KIAA1549: variants seen among roughly 807,000 people sequenced by gnomAD.
KIAA1549 encodes KIAA1549, also known as UPF0606 protein KIAA1549.
KIAA1549 carries 70 observed loss-of-function variants against 156.4 expected under a neutral mutation model. The observed-to-expected ratio is 0.45, with a 90% CI of 0.37 to 0.55. KIAA1549 has a LOEUF of 0.55. KIAA1549 is among the 20% of genes least tolerant of loss of function. The probability of loss-of-function intolerance (pLI) is 0.00; values close to 1 mark genes in which losing one functional copy is unlikely to be tolerated. For missense variants in KIAA1549, 2,428 were observed against 2,540.9 expected, an observed-to-expected ratio of 0.96 and a Z score of 0.96; for synonymous variants, 1,103 against 1,066.4, an observed-to-expected ratio of 1.03 and a Z score of -0.67.
At chr7:138,864,049 G>A (rs1030771833) in intron 15 of KIAA1549, among the ~76,000 whole-genome samples, 2 of 152,144 alleles carry the variant, frequency 1.3e-5, no homozygotes, top group African/African-American at 2.4e-5. Context: ...TAGAGCTCAC[G>A]GGTGGAAAGA....
intron 1 of KIAA1549, among the ~76,000 whole-genome samples, chr7:138,973,318 A>G (rs1458801406): frequency 3.9e-5 from 6 of 152,216 alleles, no homozygotes; most frequent in Non-Finnish European, 5.9e-5. Context: ...CTGTTTCAGT[A>G]GAGCTGGCTT....
chr7:138,860,508 AAAT>A (rs1256162577), intron 16 of KIAA1549, among the ~76,000 whole-genome samples: 1 of 152,212 alleles, frequency 6.6e-6, no homozygotes, highest in African/African-American at 2.4e-5. Flanking sequence ...AATTAGCAGA[AAAT>A]AATGGTAGCT....
chr7:138,933,499 A>T (rs1812928376), intron 1 of KIAA1549, among the ~76,000 whole-genome samples: 4 of 152,244 alleles, frequency 2.6e-5, no homozygotes, highest in Non-Finnish European at 5.9e-5. Context: ...CAGAAGTGGA[A>T]GAACTGGTGA....
chr7:138,969,589 T>TTTG (rs1814154391), intron 1 of KIAA1549, among the ~76,000 whole-genome samples: 1 of 152,086 alleles, frequency 6.6e-6, no homozygotes, highest in Non-Finnish European at 1.5e-5. Flanking sequence ...GAGTTTTGTT[T>TTTG]TTTGTTTGTT....
In KIAA1549 at chr7:138,839,829, C is replaced by G. The variant is rs1474731691; in HGVS notation, c.5598+304G>C. On this transcript the variant is annotated intron_variant, in intron 19 of 19. Transcript: ENST00000422774. ...TTTTGAGACAGTCTCACTCTGTCAC[C>G]CAGGCTGGAGTGCAGTGGCACGATC... 3.1e-5 allele frequency among the ~76,000 whole-genome samples: 4 copies of G among 129,468 alleles called. No homozygotes were observed. In the East Asian group the frequency reaches 1.1e-3, roughly 37 times the overall value. 84.9% of individuals were successfully genotyped at this position (129,468 alleles called of 152,430 possible). A position where few individuals can be genotyped will look rare whatever the true frequency, so the allele number is the denominator to read the frequency against.
chr7:138,967,730 G>C (rs1814074255), intron 1 of KIAA1549, among the ~76,000 whole-genome samples: 1 of 152,130 alleles, frequency 6.6e-6, no homozygotes, highest in Non-Finnish European at 1.5e-5. Flanking sequence ...AGGATGCTGA[G>C]GTGAGGTAAG....
intron 17 of KIAA1549, among the ~76,000 whole-genome samples, chr7:138,847,543 G>C (rs937638110): frequency 6.6e-6 from 1 of 152,226 alleles, no homozygotes; most frequent in African/African-American, 2.4e-5. Flanking sequence ...GATTCACTCT[G>C]TTTTATTGCA....
intron 1 of KIAA1549, among the ~76,000 whole-genome samples, chr7:138,956,131 C>A (rs973246458): frequency 1.3e-5 from 2 of 152,098 alleles, no homozygotes; most frequent in African/African-American, 4.8e-5. Flanking sequence ...CGACCTCAAG[C>A]GACACGCCCA....
Position 138,907,018 on chromosome 7 carries a change from C to A in KIAA1549, c.3361G>T (p.Gly1121Ter). The change falls in exon 6 of 20, where the codon GGA (glycine) becomes TGA (stop). Residue 1121 changes from glycine (G) to a stop codon, truncating the protein, a stop_gained. Coordinates refer to ENST00000422774, the MANE Select transcript of KIAA1549 (RefSeq NM_001164665.2). LOFTEE classifies it high-confidence loss of function. ...NIIFAVKSTQ[G>*]FLNGSEVSEL... The stretch of plus-strand genomic sequence containing the variant: ...CTCACTTCCGACCCATTCAAAAATC[C>A]CTGTGTGCTTTTAACCGCAAAGATG... The A allele has an allele frequency of 6.2e-7, 1 of 1,613,618 alleles. No individual in the cohort carries two copies. The highest frequency in any genetic ancestry group is 8.5e-7 in the Non-Finnish European group (1 of 1,179,724).
intron 5 of KIAA1549, among the ~76,000 whole-genome samples, chr7:138,908,701 G>A (rs1563072813): frequency 6.6e-6 from 1 of 152,178 alleles, no homozygotes; most frequent in Admixed American, 6.5e-5. Context: ...TGGATATTTA[G>A]GTTGATACCA....
chr7:138,873,748 A>T (rs1217602197), intron 12 of KIAA1549, among the ~76,000 whole-genome samples: 2 of 151,666 alleles, frequency 1.3e-5, no homozygotes, highest in Admixed American at 1.3e-4. Context: ...CCCTCGCTGA[A>T]CTGTTCACAG....
chr7:138,922,557 T>C (rs1812594614), intron 1 of KIAA1549, among the ~76,000 whole-genome samples: 3 of 152,038 alleles, frequency 2.0e-5, no homozygotes, highest in African/African-American at 7.2e-5. Flanking sequence ...AAAACATGAG[T>C]AATGAGCAAG....
rs61744112 is a variant in KIAA1549, at chr7:138,906,926, G to A, written c.3453C>T (p.Ile1151=). 1,419 of 1,594,988 alleles carry A rather than the reference G, an allele frequency of 8.9e-4. 8 individuals carry two copies. In the African/African-American group the frequency reaches 0.013, roughly 15 times the overall value. The change falls in exon 6 of 20, where the codon ATC becomes ATT. Residue 1151 remains isoleucine, a synonymous_variant. Coordinates refer to ENST00000422774, the MANE Select transcript of KIAA1549 (RefSeq NM_001164665.2). Reference sequence around the variant, plus strand: ...CAAGAGGGCTGTACTCACGCTCTGCGATCTGCAGCACTGGGTATCCCAGAT... The same window carrying A: ...CAAGAGGGCTGTACTCACGCTCTGCAATCTGCAGCACTGGGTATCCCAGAT... The part of the protein sequence containing the change: ...SFYLGYPVLQ[I]AEPFQYPQLN...
Position 138,909,097 on chromosome 7 carries a change from AC to A in KIAA1549, c.3169del (p.Val1057TrpfsTer16). 6.2e-7 allele frequency: 1 copy of A among 1,613,830 alleles called. No individual in the cohort carries two copies. Among genetic ancestry groups the A allele is most frequent in the Non-Finnish European group, 8.5e-7 (1 of 1,179,776 alleles). On this transcript the variant is annotated frameshift_variant, in exon 5 of 20. Transcript: ENST00000422774. LOFTEE classifies it high-confidence loss of function. Reference protein sequence around the residue: ...QTVLQFVPPSVDTGFCNFTQR... With the variant: ...QTVLQFVPPSXDTGFCNFTQR... The stretch of plus-strand genomic sequence containing the variant: ...GGTGAAGTTGCAGAAGCCAGTATCC[AC>A]ACTCGGAGGCACAAACTGAAGTACT...
chr7:138,939,188 A>C (rs1813103249), intron 1 of KIAA1549, among the ~76,000 whole-genome samples: 1 of 152,208 alleles, frequency 6.6e-6, no homozygotes, highest in Non-Finnish European at 1.5e-5. Flanking sequence ...TCTGATAAGG[A>C]CTTTAAAAAA....
intron 1 of KIAA1549, 29 bp from the exon 2 acceptor site, chr7:138,919,467 G>A: frequency 1.1e-5 from 18 of 1,592,908 alleles, no homozygotes; most frequent in Non-Finnish European, 1.5e-5. Context: ...CTGGGTTAGT[G>A]CAATGCATTG....
Position 138,835,175 on chromosome 7 carries a change from G to C in KIAA1549, c.*2731C>G, listed in dbSNP as rs958702104. On this transcript the variant is annotated 3_prime_UTR_variant, in exon 20 of 20. Transcript: ENST00000422774. ...AGTGGATGACGTGAACTTAATGTCT[G>C]AAGACCGCTAGGGTACGGTGCTGCT... 1 of 219,080 alleles carries C rather than the reference G, an allele frequency of 4.6e-6. No homozygotes were observed. The allele number at this position is 219,080 out of a possible 1,614,324, so 13.6% of individuals were successfully genotyped here.
chr7:138,874,374 AAG>A (rs1176000790), intron 12 of KIAA1549, among the ~76,000 whole-genome samples: 2 of 152,296 alleles, frequency 1.3e-5, no homozygotes, highest in Non-Finnish European at 2.9e-5. Flanking sequence ...GAAAACAGGT[AAG>A]AGAGTAGATT....
chr7:138,845,525 A>G (rs1488695960), intron 17 of KIAA1549, among the ~76,000 whole-genome samples: 2 of 152,300 alleles, frequency 1.3e-5, no homozygotes, highest in African/African-American at 4.8e-5. Context: ...ATACTGGTGA[A>G]CTTTTCGTAC....
Sources: allele counts gnomAD v4.1 joint callset (sites outside exome capture counted in the v4.1 genomes callset), GRCh38; gene constraint gnomAD v4.1.1; transcripts MANE v1.5; gene names NCBI Gene and HGNC (gene_info 2026-07-23, HGNC 2026-07-21).